AMN1: variants seen among roughly 807,000 people sequenced by gnomAD.
AMN1 encodes the protein protein AMN1 homolog.
A neutral mutation model predicts 33.0 loss-of-function variants in AMN1; 20 were observed. The observed-to-expected ratio is 0.61, with a 90% CI of 0.43 to 0.88. The LOEUF (loss-of-function observed/expected upper bound fraction) is 0.88, where lower values mean the gene tolerates loss of function less well. Ranked by LOEUF, AMN1 falls within the 40% of genes least tolerant of loss-of-function variation. The probability of loss-of-function intolerance (pLI) is 0.00; values close to 1 mark genes in which losing one functional copy is unlikely to be tolerated. For missense variants in AMN1, 246 were observed against 307.4 expected (o/e 0.80, Z 1.49); for synonymous variants, 114 against 111.9 (o/e 1.02, Z -0.12).
chr12:31,714,865 T>A, intron 1 of AMN1: 1 of 963,442 alleles, frequency 1.0e-6, no homozygotes, highest in Non-Finnish European at 1.2e-6. Context: ...ACTAGGAGGA[T>A]CTTTTTAACT....
intron 5 of AMN1, among the ~76,000 whole-genome samples, chr12:31,695,487 C>CTTTCTTTCTTTTTT (rs59342673): frequency 1.5e-5 from 2 of 130,700 alleles, no homozygotes; most frequent in East Asian, 4.4e-4. Flanking sequence ...TTCTTTCTTT[C>CTTTCTTTCTTTTTT]TTTTTTTTTT....
rs547687371 is a variant in AMN1, at chr12:31,676,814, T to C, written c.704-4437A>G. The stretch of plus-strand genomic sequence containing the variant: ...ATAGTAAGCATGTAACATTTTTATG[T>C]AATTAAAAATTTTTGATGCCAGATG... On this transcript the variant is annotated intron_variant, in intron 6 of 6. Coordinates refer to ENST00000281471, the MANE Select transcript of AMN1 (RefSeq NM_001113402.2). 2.0e-5 allele frequency among the ~76,000 whole-genome samples: 3 copies of C among 151,988 alleles called. No homozygotes were observed. The East Asian group carries it at 5.8e-4, about 29-fold the overall frequency.
chr12:31,677,376 C>T (rs1183005352), intron 6 of AMN1, among the ~76,000 whole-genome samples: 4 of 152,296 alleles, frequency 2.6e-5, no homozygotes, highest in South Asian at 4.1e-4. Context: ...GCTAATCACC[C>T]GACTGATGCT....
intron 6 of AMN1, chr12:31,673,740 ACC>A: frequency 3.0e-6 from 1 of 338,390 alleles, no homozygotes. Context: ...ACACCAGCAC[ACC>A]AAATCCAGCC....
In AMN1 at chr12:31,711,075, A is replaced by G. The variant is rs186848763; in HGVS notation, c.39-1650T>C. On this transcript the variant is annotated intron_variant, in intron 1 of 6. Transcript: ENST00000281471. Reference sequence around the variant, plus strand: ...TAGGCGTGTGCCACCATGCCTGGCTAATTTTTGTATTTTTAATAGAGATGG... The same window carrying G: ...TAGGCGTGTGCCACCATGCCTGGCTGATTTTTGTATTTTTAATAGAGATGG... Among the ~76,000 whole-genome samples the G allele has an allele frequency of 3.3e-3, 497 of 151,964 alleles. 5 individuals are homozygous for G. Among genetic ancestry groups the G allele is most frequent in the East Asian group, 0.011 (55 of 5,178 alleles).
At chr12:31,726,136 G>A (rs1249632084) in intron 1 of AMN1, among the ~76,000 whole-genome samples, 4 of 151,048 alleles carry the variant, frequency 2.6e-5, no homozygotes, top group South Asian at 2.1e-4. Flanking sequence ...ACCTGTCAAC[G>A]AAGCTAAAAC....
chr12:31,722,702 T>A (rs917462116), intron 1 of AMN1, among the ~76,000 whole-genome samples: 3 of 152,242 alleles, frequency 2.0e-5, no homozygotes, highest in East Asian at 3.9e-4. Context: ...GTCAGCCTGG[T>A]TGGTACACTC....
At chr12:31,672,779 T>C (rs527860593) in intron 6 of AMN1, 123 of 167,412 alleles carry the variant, frequency 7.3e-4, no homozygotes, top group Middle Eastern at 3.1e-3. Flanking sequence ...AAGGGAATAT[T>C]TACCAAAAAA....
chr12:31,721,877 T>G (rs930056178), intron 1 of AMN1, among the ~76,000 whole-genome samples: 10 of 152,214 alleles, frequency 6.6e-5, no homozygotes, highest in African/African-American at 2.2e-4. Flanking sequence ...TAATCAAGTA[T>G]ACACCATCCA....
chr12:31,672,073 A>C lies in AMN1; in HGVS notation c.*231T>G, dbSNP rs765264722. The C allele has an allele frequency of 1.8e-4, 73 of 407,730 alleles. No homozygotes were observed. Among genetic ancestry groups the C allele is most frequent in the Non-Finnish European group, 3.1e-4 (71 of 227,240 alleles). 25.3% of individuals were successfully genotyped at this position (407,730 alleles called of 1,614,324 possible). On this transcript the variant is annotated 3_prime_UTR_variant, in exon 7 of 7. Coordinates refer to ENST00000281471, the MANE Select transcript of AMN1 (RefSeq NM_001113402.2). ...TCATGCTAGGATTATCATTTCAAAA[A>C]TAATGACTCATCCAACAGATATAGA...
At chr12:31,682,115 C>T (rs777912578) in intron 6 of AMN1, among the ~76,000 whole-genome samples, 2 of 152,144 alleles carry the variant, frequency 1.3e-5, no homozygotes, top group Admixed American at 6.6e-5. Context: ...CTTGGACAAA[C>T]GAAGTTAAAC....
At chr12:31,719,715 T>C (rs1939810687) in intron 1 of AMN1, among the ~76,000 whole-genome samples, 1 of 152,188 alleles carries the variant, frequency 6.6e-6, no homozygotes, top group African/African-American at 2.4e-5. Context: ...AAGCTAAAGA[T>C]GTATAGATCC....
At chr12:31,723,905 G>A (rs965079848) in intron 1 of AMN1, among the ~76,000 whole-genome samples, 1 of 152,214 alleles carries the variant, frequency 6.6e-6, no homozygotes, top group Non-Finnish European at 1.5e-5. Flanking sequence ...CACCAGTCAA[G>A]CAAGGAAACA....
At chr12:31,722,888 G>A (rs1049852750) in intron 1 of AMN1, among the ~76,000 whole-genome samples, 23 of 152,268 alleles carry the variant, frequency 1.5e-4, no homozygotes, top group Middle Eastern at 3.4e-3. Flanking sequence ...CTGGCACGGT[G>A]GCTCACACCT....
chr12:31,709,323 C>CT lies in AMN1; in HGVS notation c.140dup (p.Gln49ThrfsTer9). 5 of 1,613,734 alleles carry CT rather than the reference C, an allele frequency of 3.1e-6. No homozygotes were observed. Among genetic ancestry groups the CT allele is most frequent in the Non-Finnish European group, 4.2e-6 (5 of 1,179,766 alleles). On this transcript the variant is annotated frameshift_variant, in exon 2 of 7. Coordinates refer to ENST00000281471, the MANE Select transcript of AMN1 (RefSeq NM_001113402.2). LOFTEE classifies it high-confidence loss of function. ...TTATATTTGAATCTGTTATCTGTCC[C>CT]TGCATACTCATTATTTTAATCAGTC... is the stretch of plus-strand genomic sequence containing the variant.
rs1234119433 is a variant in AMN1 at position 31,687,553 on chromosome 12, T to C, written c.703+1454A>G. On this transcript the variant is annotated intron_variant, in intron 6 of 6. Transcript: ENST00000281471. This position sits in a 1 kb window ranked among gnomAD's most constrained non-coding sequence, Gnocchi z 4.1. ...CAAAAATTAGTTGGATGTGGTGGCATGCGCCTGTAGTCCCAGCTACTTGGG... is the reference window on the plus strand; with the variant it reads ...CAAAAATTAGTTGGATGTGGTGGCACGCGCCTGTAGTCCCAGCTACTTGGG... Among the ~76,000 whole-genome samples, 1 of 151,928 alleles carries C rather than the reference T, an allele frequency of 6.6e-6. No individual in the cohort carries two copies. The highest frequency in any genetic ancestry group is 6.6e-5 in the Admixed American group (1 of 15,262).
intron 2 of AMN1, chr12:31,709,031 A>T: frequency 2.1e-6 from 1 of 472,396 alleles, no homozygotes; most frequent in South Asian, 1.7e-5. Context: ...TGCAAAAATT[A>T]GCCAGGCATG....
chr12:31,696,207 A>C (rs1765064505), intron 5 of AMN1, among the ~76,000 whole-genome samples: 1 of 152,028 alleles, frequency 6.6e-6, no homozygotes, highest in Non-Finnish European at 1.5e-5. Flanking sequence ...ACTGCACTCC[A>C]GCCTGGGCGA....
chr12:31,698,129 C>G (rs1938818467), intron 3 of AMN1, among the ~76,000 whole-genome samples, 172 bp from the exon 4 acceptor site: 1 of 152,136 alleles, frequency 6.6e-6, no homozygotes, highest in South Asian at 2.1e-4. Flanking sequence ...ATTCAGAACT[C>G]TTTTGGAATG....
Sources: gnomAD v4.1 joint callset for allele counts (sites outside exome capture counted in the v4.1 genomes callset) on GRCh38, gnomAD v4.1.1 for gene constraint, Gnocchi (gnomAD v3.1) non-coding constraint, MANE v1.5 for transcripts, NCBI Gene and HGNC (gene_info 2026-07-23, HGNC 2026-07-21) for gene names.